CAST: variants seen among roughly 807,000 people sequenced by gnomAD.
CAST encodes the protein calpastatin.
A neutral mutation model predicts 119.6 loss-of-function variants in CAST; 76 were observed. That is an observed-to-expected ratio of 0.64 (90% CI 0.53 to 0.77). CAST has a LOEUF of 0.77. CAST is among the 30% of genes least tolerant of loss of function. The probability of loss-of-function intolerance (pLI) is 0.00; values close to 1 mark genes in which losing one functional copy is unlikely to be tolerated. For synonymous variants in CAST, 319 were observed against 331.6 expected (o/e 0.96, Z 0.41); for missense variants, 953 against 946.5 (o/e 1.01, Z -0.09).
chr5:96,620,710 A>G (rs776342279), intron 1 of CAST, among the ~76,000 whole-genome samples: 5 of 152,368 alleles, frequency 3.3e-5, no homozygotes, highest in Non-Finnish European at 5.9e-5. Flanking sequence ...CCATTTTACT[A>G]TCTTCGACAG....
the CAST span, among the ~76,000 whole-genome samples, chr5:96,135,229 G>A: frequency 1.3e-5 from 2 of 152,166 alleles, no homozygotes; most frequent in Non-Finnish European, 2.9e-5. Flanking sequence ...TCACTCTGCT[G>A]TGAAAGGATG....
upstream of CAST, among the ~76,000 whole-genome samples, chr5:96,658,564 T>C (rs987838149): frequency 2.6e-5 from 4 of 152,164 alleles, no homozygotes; most frequent in Admixed American, 6.5e-5. Flanking sequence ...TTACTGGGGA[T>C]CCAACAAAAA....
At chr5:96,429,414 A>G in the CAST span, 6 of 697,718 alleles carry the variant, frequency 8.6e-6, no homozygotes, top group African/African-American at 8.9e-5. Flanking sequence ...GGCAACTTTT[A>G]TTAAGCCCAT....
At chr5:96,188,966 C>G in the CAST span, among the ~76,000 whole-genome samples, 1 of 152,010 alleles carries the variant, frequency 6.6e-6, no homozygotes, top group Non-Finnish European at 1.5e-5. Flanking sequence ...ATTTCCATTT[C>G]TTTTTCTGGT....
At chr5:96,578,669 T>C (rs1239035116) in intron 1 of CAST, among the ~76,000 whole-genome samples, 2 of 152,252 alleles carry the variant, frequency 1.3e-5, no homozygotes, top group Admixed American at 6.5e-5. Context: ...TTAAAATACA[T>C]GTCAAATAAT....
chr5:96,608,275 T>C (rs78740770), intron 1 of CAST, among the ~76,000 whole-genome samples: 3,713 of 152,310 alleles, frequency 0.024, 62 homozygotes, highest in Non-Finnish European at 0.038. Context: ...AATGACAGAA[T>C]GTCCTAGGTT....
In CAST at chr5:96,762,014, C is replaced by T. The variant is rs150182342; in HGVS notation, c.1834-260C>T. 3.7e-3 allele frequency: 1,033 copies of T among 277,292 alleles called. 11 individuals carry two copies. The highest frequency in any genetic ancestry group is 0.02 in the African/African-American group (894 of 45,436). The allele number at this position is 277,292 out of a possible 1,614,324, so 17.2% of individuals were successfully genotyped here. ...TACAACAGGAAATGTGTAAACAAAC[C>T]GTGGAACTCTAAGTTATATTATTGC... On this transcript the variant is annotated intron_variant, in intron 24 of 31. Coordinates refer to ENST00000675179, the MANE Select transcript of CAST (RefSeq NM_001750.7).
At chr5:96,697,898 G>T (rs1040394020) in intron 3 of CAST, among the ~76,000 whole-genome samples, 2 of 152,198 alleles carry the variant, frequency 1.3e-5, no homozygotes, top group Admixed American at 1.3e-4. Context: ...CCTCTCCTGT[G>T]ATTGATCATG....
chr5:96,017,765 A>T, the CAST span, among the ~76,000 whole-genome samples: 2 of 152,180 alleles, frequency 1.3e-5, no homozygotes, highest in African/African-American at 4.8e-5. Context: ...TAGAATTTAA[A>T]TTTTTGAATG....
the CAST span, among the ~76,000 whole-genome samples, chr5:96,001,122 C>T: frequency 6.6e-6 from 1 of 152,110 alleles, no homozygotes; most frequent in Admixed American, 6.5e-5. Context: ...AGATCATTTC[C>T]AAGACCCTTT....
chr5:96,301,227 A>G, the CAST span, among the ~76,000 whole-genome samples: 1 of 152,148 alleles, frequency 6.6e-6, no homozygotes, highest in Non-Finnish European at 1.5e-5. Flanking sequence ...ACCAGATCTT[A>G]TGAGAACTCA....
the CAST span, among the ~76,000 whole-genome samples, chr5:95,984,213 T>C: frequency 1.3e-5 from 2 of 152,196 alleles, no homozygotes; most frequent in Non-Finnish European, 2.9e-5. Flanking sequence ...TTTTCACTGC[T>C]TGTTGAGGCT....
At chr5:96,431,029 TCTC>T in the CAST span, among the ~76,000 whole-genome samples, 5 of 152,130 alleles carry the variant, frequency 3.3e-5, no homozygotes, top group Non-Finnish European at 7.3e-5. Flanking sequence ...TCTTCCCCAG[TCTC>T]CTCCTACACG....
the CAST span, among the ~76,000 whole-genome samples, chr5:96,108,328 C>T: frequency 7.2e-5 from 11 of 152,300 alleles, no homozygotes; most frequent in Middle Eastern, 3.4e-3. Context: ...AGTTTTTCTG[C>T]TCTGTTTTTT....
At chr5:96,455,446 A>G in the CAST span, among the ~76,000 whole-genome samples, 5 of 152,254 alleles carry the variant, frequency 3.3e-5, no homozygotes, top group South Asian at 2.1e-4. Flanking sequence ...CAAGATACAG[A>G]TAATAAACCT....
chr5:96,767,459 A>G lies in CAST; in HGVS notation c.2152A>G (p.Thr718Ala), dbSNP rs199755325. The G allele has an allele frequency of 6.2e-7, 1 of 1,612,934 alleles. No homozygotes were observed. Among genetic ancestry groups the G allele is most frequent in the East Asian group, 2.2e-5 (1 of 44,788 alleles). Residue 718 changes from threonine to alanine, a missense_variant, in exon 28 of 32, where the codon ACA becomes GCA. Coordinates refer to ENST00000675179, the MANE Select transcript of CAST (RefSeq NM_001750.7). ...TAAGGACAAACCAGTGAAGCCACCT[A>G]CAAAGAAATCAGAGGATTCAAAGGT... ...NGQDKPVKPP[T>A]KKSEDSKKPA...
At chr5:96,604,280 T>C (rs1747213180) in intron 1 of CAST, among the ~76,000 whole-genome samples, 1 of 152,228 alleles carries the variant, frequency 6.6e-6, no homozygotes, top group Non-Finnish European at 1.5e-5. Flanking sequence ...GGATGGTCAC[T>C]ATCTACTATA....
At chr5:96,681,288 C>G (rs1751383809) in intron 2 of CAST, among the ~76,000 whole-genome samples, 1 of 152,068 alleles carries the variant, frequency 6.6e-6, no homozygotes. Flanking sequence ...CAGTTTTGTT[C>G]CTCAAAATTC....
intron 1 of CAST, among the ~76,000 whole-genome samples, chr5:96,601,949 CA>C (rs1210754602): frequency 6.6e-6 from 1 of 152,196 alleles, no homozygotes; most frequent in Admixed American, 6.5e-5. Context: ...AGGATCCACT[CA>C]ACTAAGGTCT....
Sources: allele counts gnomAD v4.1 joint callset (sites outside exome capture counted in the v4.1 genomes callset), GRCh38; gene constraint gnomAD v4.1.1; transcripts MANE v1.5; gene names NCBI Gene and HGNC (gene_info 2026-07-23, HGNC 2026-07-21).